LRRC9: variants seen among roughly 807,000 people sequenced by gnomAD.
LRRC9 encodes the protein leucine rich repeat containing 9.
LRRC9 carries 122 observed loss-of-function variants against 63.2 expected under a neutral mutation model. That is an observed-to-expected ratio of 1.93 (90% CI 1.67 to 2.24). The LOEUF (loss-of-function observed/expected upper bound fraction) is 2.24. LRRC9 is among the 30% of genes most tolerant of loss of function. The pLI is 0.00. For missense variants in LRRC9, 1,071 were observed against 627.7 expected, an observed-to-expected ratio of 1.71 and a Z score of -7.55; for synonymous variants, 366 against 213.1, an observed-to-expected ratio of 1.72 and a Z score of -6.25.
intron 29 of LRRC9, among the ~76,000 whole-genome samples, chr14:60,052,511 T>G (rs1245008348): frequency 6.6e-6 from 1 of 152,226 alleles, no homozygotes; most frequent in Non-Finnish European, 1.5e-5. Context: ...ATTAGCAGTC[T>G]AGGCACAATA....
chr14:60,010,537 C>A (rs898441991), intron 23 of LRRC9, among the ~76,000 whole-genome samples: 1 of 152,154 alleles, frequency 6.6e-6, no homozygotes, highest in Admixed American at 6.5e-5. Flanking sequence ...GCCCTGGAGA[C>A]GTTTTCCCCA....
chr14:59,959,950 A>C (rs1425974486), exon 9 of LRRC9: 16 of 698,418 alleles, frequency 2.3e-5, no homozygotes, highest in Non-Finnish European at 3.9e-5. Flanking sequence ...TCTTCAACAG[A>C]AGATATTGGC....
chr14:59,946,229 GC>G (rs2139869393), intron 8 of LRRC9, among the ~76,000 whole-genome samples: 1 of 151,054 alleles, frequency 6.6e-6, no homozygotes, highest in Non-Finnish European at 1.5e-5. Flanking sequence ...TATATTTAAT[GC>G]TTTTTTAAAG....
In LRRC9 at chr14:59,944,651, TAAAG is replaced by T; in HGVS notation, c.792_795del (p.Glu265ThrfsTer5). On this transcript the variant is annotated frameshift_variant, in exon 8 of 32. Transcript: ENST00000445360. LOFTEE classifies it high-confidence loss of function. ...GTATAAAAACTCTTCAGAGGCATCT[TAAAG>T]AAGACCTTGAAAAACTGAATGATCA... The T allele has an allele frequency of 3.0e-6, 2 of 671,808 alleles. No homozygotes were observed. The highest frequency in any genetic ancestry group is 2.4e-4 in the Middle Eastern group (1 of 4,254). The allele number at this position is 671,808 out of a possible 1,614,324, so 41.6% of individuals were successfully genotyped here.
rs911470783 is a variant in LRRC9 at position 60,058,642 on chromosome 14, T to C, written c.4276+620T>C. Among the ~76,000 whole-genome samples, 1 of 152,174 alleles carries C rather than the reference T, an allele frequency of 6.6e-6. No individual in the cohort carries two copies. The highest frequency in any genetic ancestry group is 6.5e-5 in the Admixed American group (1 of 15,276). On this transcript the variant is annotated intron_variant, in intron 31 of 31. Transcript: ENST00000445360. The surrounding 1 kb of genome is among the most constrained non-coding windows in gnomAD (Gnocchi z 4.4). ...TTCCCTAATTCCACATCTTTTCTGG[T>C]TATCATTTTGGCAAAACTGGGGGTA...
rs1309860830 is a variant in LRRC9 at position 60,063,321 on chromosome 14, A to G, written c.4277-2A>G. The G allele has an allele frequency of 1.4e-6, 1 of 701,826 alleles. No individual in the cohort carries two copies. Among genetic ancestry groups the G allele is most frequent in the Non-Finnish European group, 2.6e-6 (1 of 384,588 alleles). 43.5% of individuals were successfully genotyped at this position (701,826 alleles called of 1,614,324 possible). ...TGACTAATTAAATCTTATTTCTTAC[A>G]GAATTTTTGGGAGCAACTTTCCAAG... is the stretch of plus-strand genomic sequence containing the variant. On this transcript the variant is annotated splice_acceptor_variant, in intron 31 of 31. Coordinates refer to ENST00000445360, the Ensembl canonical transcript of LRRC9. LOFTEE classifies it high-confidence loss of function.
chr14:60,042,451 G>A lies in LRRC9; in HGVS notation c.3990+10388G>A, dbSNP rs536847733. Among the ~76,000 whole-genome samples, 7 of 152,286 alleles carry A rather than the reference G, an allele frequency of 4.6e-5. No homozygotes were observed. The highest frequency in any genetic ancestry group is 3.9e-4 in the East Asian group (2 of 5,184). On this transcript the variant is annotated intron_variant, in intron 29 of 31. Coordinates refer to ENST00000445360, the Ensembl canonical transcript of LRRC9. The surrounding 1 kb of genome is among the most constrained non-coding windows in gnomAD (Gnocchi z 4.2). Reference sequence around the variant, plus strand: ...TACCTATTCAAGCCTCAGCAATGGCGGATGCCCCTCCCCTAGCCTCGCTGC... The same window carrying A: ...TACCTATTCAAGCCTCAGCAATGGCAGATGCCCCTCCCCTAGCCTCGCTGC...
In LRRC9 at chr14:60,006,581, C is replaced by T. The variant is rs372776200; in HGVS notation, c.3027C>T (p.Asn1009=). 4.3e-6 allele frequency: 3 copies of T among 696,228 alleles called. No homozygotes were observed. In the African/African-American group the frequency reaches 5.3e-5, roughly 12 times the overall value. The allele number at this position is 696,228 out of a possible 1,614,324, so 43.1% of individuals were successfully genotyped here. ...TTGTTGAGTTATACATAAGCAATAA[C>T]TATATTGCTGTCAATCAGGAGATGC... Residue 1009 remains asparagine, a synonymous_variant, in exon 22 of 32, where the codon AAC becomes AAT. Transcript: ENST00000445360.
At chr14:59,988,613 A>G (rs1213307786) in intron 17 of LRRC9, among the ~76,000 whole-genome samples, 1 of 152,142 alleles carries the variant, frequency 6.6e-6, no homozygotes, top group South Asian at 2.1e-4. Context: ...TACTGGAAAG[A>G]TTTTCTAAAA....
downstream of LRRC9, among the ~76,000 whole-genome samples, chr14:60,064,434 C>T (rs1472657930): frequency 6.6e-6 from 1 of 152,092 alleles, no homozygotes; most frequent in Non-Finnish European, 1.5e-5. Context: ...AATATGTAGA[C>T]TTTATAATCT....
chr14:60,059,763 G>T (rs2140467291), intron 31 of LRRC9, among the ~76,000 whole-genome samples: 1 of 152,316 alleles, frequency 6.6e-6, no homozygotes, highest in Non-Finnish European at 1.5e-5. Context: ...GAGGTTTAAG[G>T]AAAGAATCAC....
intron 30 of LRRC9, among the ~76,000 whole-genome samples, chr14:60,056,127 T>C (rs1191343048): frequency 6.6e-6 from 1 of 152,158 alleles, no homozygotes; most frequent in Non-Finnish European, 1.5e-5. Flanking sequence ...AATTTCACCA[T>C]CTCAAAATCC....
At chr14:59,983,875 G>T (rs1355792204) in intron 16 of LRRC9, among the ~76,000 whole-genome samples, 1 of 152,080 alleles carries the variant, frequency 6.6e-6, no homozygotes, top group Admixed American at 6.6e-5. Flanking sequence ...TCAGACTGGT[G>T]GTATGGAAAT....
At chr14:59,926,410 T>C (rs1415571183) in intron 1 of LRRC9, among the ~76,000 whole-genome samples, 1 of 152,222 alleles carries the variant, frequency 6.6e-6, no homozygotes, top group African/African-American at 2.4e-5. Context: ...CACATGTACA[T>C]AATTTAGCAT....
chr14:59,946,929 C>T (rs1256009287), intron 8 of LRRC9, among the ~76,000 whole-genome samples: 5 of 132,468 alleles, frequency 3.8e-5, no homozygotes, highest in East Asian at 2.3e-4. Flanking sequence ...GGGTTGGTTC[C>T]AAGTCTTTGC....
chr14:59,927,831 C>T lies in LRRC9; in HGVS notation c.-33-80C>T, dbSNP rs1006205582. 3.8e-6 allele frequency: 2 copies of T among 530,758 alleles called. No homozygotes were observed. Among genetic ancestry groups the T allele is most frequent in the Non-Finnish European group, 6.6e-6 (2 of 303,156 alleles). The allele number at this position is 530,758 out of a possible 1,614,324, so 32.9% of individuals were successfully genotyped here. On this transcript the variant is annotated intron_variant, in intron 1 of 31. Transcript: ENST00000445360. This position sits in a 1 kb window ranked among gnomAD's most constrained non-coding sequence, Gnocchi z 4.4. ...TCAAACTACAGTTGGGTGGTTCAAC[C>T]TCAGTAGCTTTAAGGTCTATTTCAA...
In LRRC9 at chr14:59,988,835, T is replaced by C. The variant is rs1460738363; in HGVS notation, c.2211+3611T>C. 2.0e-5 allele frequency among the ~76,000 whole-genome samples: 3 copies of C among 152,180 alleles called. No individual in the cohort carries two copies. In the South Asian group the frequency reaches 6.2e-4, roughly 31 times the overall value. ...CTGAAATATATCCTATTATAGATCA[T>C]AGGAATAATATCCCTTCAGTTACTG... is the stretch of plus-strand genomic sequence containing the variant. On this transcript the variant is annotated intron_variant, in intron 17 of 31. Coordinates refer to ENST00000445360, the Ensembl canonical transcript of LRRC9.
intron 23 of LRRC9, among the ~76,000 whole-genome samples, chr14:60,011,217 T>G (rs1276292261): frequency 6.6e-6 from 1 of 152,016 alleles, no homozygotes; most frequent in African/African-American, 2.4e-5. Flanking sequence ...CAAAAGCAGG[T>G]CTTACATGGT....
intron 29 of LRRC9, among the ~76,000 whole-genome samples, chr14:60,040,106 T>G (rs1892816055): frequency 6.6e-6 from 1 of 152,034 alleles, no homozygotes; most frequent in African/African-American, 2.4e-5. Flanking sequence ...AGTTCTAGTT[T>G]GATTGCACTG....
Sources: gnomAD v4.1 joint callset for allele counts (sites outside exome capture counted in the v4.1 genomes callset) on GRCh38, gnomAD v4.1.1 for gene constraint, Gnocchi (gnomAD v3.1) non-coding constraint, MANE v1.5 for transcripts, NCBI Gene and HGNC (gene_info 2026-07-23, HGNC 2026-07-21) for gene names.